The following ARID5B variants were observed in gnomAD, a reference collection of about 807,000 sequenced individuals.
ARID5B encodes AT-rich interactive domain-containing protein 5B.
ARID5B carries 13 observed loss-of-function variants against 97.2 expected under a neutral mutation model. The ratio of observed to expected loss-of-function variants is 0.13; its 90% CI spans 0.09 to 0.21. The LOEUF (loss-of-function observed/expected upper bound fraction) is 0.21, where lower values mean the gene tolerates loss of function less well. ARID5B is among the 10% of genes least tolerant of loss of function. The pLI is 1.00. For missense variants in ARID5B, 1,210 were observed against 1,465.3 expected, an observed-to-expected ratio of 0.83 and a Z score of 2.84; for synonymous variants, 556 against 570.3, an observed-to-expected ratio of 0.97 and a Z score of 0.36.
intron 4 of ARID5B, among the ~76,000 whole-genome samples, chr10:62,022,302 T>C (rs1839366697): frequency 6.6e-6 from 1 of 152,234 alleles, no homozygotes; most frequent in Non-Finnish European, 1.5e-5. Flanking sequence ...TGGAAAACCT[T>C]ACCCATTTAC....
chr10:62,046,097 C>G (rs1166267830), intron 4 of ARID5B, among the ~76,000 whole-genome samples: 1 of 152,116 alleles, frequency 6.6e-6, no homozygotes. Flanking sequence ...GGCAACAAGT[C>G]TCTCTGCAAA....
intron 3 of ARID5B, among the ~76,000 whole-genome samples, chr10:61,946,655 G>A (rs1182265195): frequency 2.0e-5 from 3 of 152,208 alleles, no homozygotes; most frequent in Non-Finnish European, 2.9e-5. Context: ...AGGCGCAGTG[G>A]CTCACACCTG....
chr10:62,048,829 A>C (rs1429404597), intron 4 of ARID5B, among the ~76,000 whole-genome samples: 1 of 152,248 alleles, frequency 6.6e-6, no homozygotes, highest in Non-Finnish European at 1.5e-5. Flanking sequence ...TTTCACCAAA[A>C]TGCTAGGAAG....
chr10:61,910,131 G>A (rs116637711), intron 2 of ARID5B, among the ~76,000 whole-genome samples: 3,510 of 152,242 alleles, frequency 0.023, 116 homozygotes, highest in African/African-American at 0.072. Flanking sequence ...AAAACCTCTC[G>A]ACAATTAGAC....
rs1414049749 is a variant in ARID5B, at chr10:62,092,513, A to T, written c.3050A>T (p.Glu1017Val). Residue 1017 changes from glutamate to valine, a missense_variant, in exon 10 of 10, where the codon GAG becomes GTG. Around this residue, in one of 8 missense-constraint regions of ARID5B, gnomAD observed 800 missense variants for 839.1 expected, o/e 0.95. Transcript: ENST00000279873. ...GAARPIKRSLEDLDLVIAGKK... is the reference protein window; with the variant it reads ...GAARPIKRSLVDLDLVIAGKK... ...GCGCGGCCGATCAAGCGCAGCCTGGAGGATTTGGACCTTGTGATTGCAGGG... is the reference window on the plus strand; with the variant it reads ...GCGCGGCCGATCAAGCGCAGCCTGGTGGATTTGGACCTTGTGATTGCAGGG... The T allele has an allele frequency of 1.1e-5, 17 of 1,614,170 alleles. No homozygotes were observed.
At chr10:62,077,918 GA>G (rs1419684127) in intron 8 of ARID5B, among the ~76,000 whole-genome samples, 1 of 152,018 alleles carries the variant, frequency 6.6e-6, no homozygotes, top group Non-Finnish European at 1.5e-5. Flanking sequence ...AAAGAAAAGG[GA>G]AAAAAAGTAT....
At chr10:62,031,891 A>G (rs1301978447) in intron 4 of ARID5B, among the ~76,000 whole-genome samples, 2 of 152,186 alleles carry the variant, frequency 1.3e-5, no homozygotes, top group Non-Finnish European at 2.9e-5. Flanking sequence ...ATAAGAAAAA[A>G]TCATGCGAGC....
intron 2 of ARID5B, among the ~76,000 whole-genome samples, chr10:61,922,166 T>G (rs1353680683): frequency 6.6e-6 from 1 of 152,252 alleles, no homozygotes; most frequent in Admixed American, 6.5e-5. Context: ...CGGGTCTTTT[T>G]TACATCTAAT....
At chr10:62,028,329 A>C (rs1443579378) in intron 4 of ARID5B, among the ~76,000 whole-genome samples, 2 of 152,226 alleles carry the variant, frequency 1.3e-5, no homozygotes, top group African/African-American at 2.4e-5. Flanking sequence ...AGTTTGTAGT[A>C]TTGAGTGAGC....
At chr10:61,970,583 C>T (rs1838612531) in intron 3 of ARID5B, among the ~76,000 whole-genome samples, 1 of 152,156 alleles carries the variant, frequency 6.6e-6, no homozygotes, top group Non-Finnish European at 1.5e-5. Flanking sequence ...GTTTTGCTGT[C>T]AGTTTAATTA....
chr10:61,915,942 G>C (rs908004602), intron 2 of ARID5B, among the ~76,000 whole-genome samples: 2 of 152,192 alleles, frequency 1.3e-5, no homozygotes, highest in Non-Finnish European at 2.9e-5. Context: ...TTCTAGTAGA[G>C]ACTGGGTTTC....
At chr10:61,904,059 G>T (rs545516632) in intron 2 of ARID5B, among the ~76,000 whole-genome samples, 374 of 22,292 alleles carry the variant, frequency 0.017, 2 homozygotes, top group African/African-American at 0.061. Context: ...CCCCTCCCCC[G>T]ACCCAACTTT....
At chr10:61,915,405 G>A (rs904102031) in intron 2 of ARID5B, among the ~76,000 whole-genome samples, 2 of 152,134 alleles carry the variant, frequency 1.3e-5, no homozygotes, top group Non-Finnish European at 2.9e-5. Flanking sequence ...TGATTTTGTC[G>A]GAAAGGTCTC....
rs1026765832 is a variant in ARID5B at position 62,092,310 on chromosome 10, C to A, written c.2847C>A (p.Asp949Glu). ...QFQVLGSQSRDCHPKACRVSP... is the reference protein window; with the variant it reads ...QFQVLGSQSRECHPKACRVSP... ...AGGTCTTAGGCAGCCAGAGTCGAGA[C>A]TGTCACCCCAAAGCCTGTCGGGTAT... Residue 949 changes from aspartate (D) to glutamate (E), a missense_variant, in exon 10 of 10, where the codon GAC becomes GAA. This residue lies in a region of ARID5B where 800 missense variants were observed against 839.1 expected (regional missense o/e 0.95). Coordinates refer to ENST00000279873, the MANE Select transcript of ARID5B (RefSeq NM_032199.3). 4 of 1,610,724 alleles carry A rather than the reference C, an allele frequency of 2.5e-6. No individual in the cohort carries two copies. The African/African-American group carries it at 5.3e-5, about 22-fold the overall frequency.
intron 2 of ARID5B, 57 bp downstream of exon 2, chr10:61,902,470 CT>C: frequency 1.3e-6 from 2 of 1,584,732 alleles, no homozygotes; most frequent in Non-Finnish European, 1.7e-6. Context: ...CCTAGTAATG[CT>C]TATTACAGGG....
At chr10:62,020,292 C>T (rs1321529774) in intron 4 of ARID5B, among the ~76,000 whole-genome samples, 5 of 152,116 alleles carry the variant, frequency 3.3e-5, no homozygotes, top group Non-Finnish European at 7.3e-5. Context: ...TGAACAATTA[C>T]TGATTTTCTT....
chr10:62,018,134 A>C (rs1288603397), intron 4 of ARID5B, among the ~76,000 whole-genome samples: 3 of 152,196 alleles, frequency 2.0e-5, no homozygotes, highest in Non-Finnish European at 4.4e-5. Flanking sequence ...GTGGCAATTA[A>C]TTTTTTATTA....
At chr10:62,074,739 T>A (rs540908636) in intron 8 of ARID5B, among the ~76,000 whole-genome samples, 8 of 152,250 alleles carry the variant, frequency 5.3e-5, no homozygotes, top group African/African-American at 1.7e-4. Flanking sequence ...CATCTCAGAA[T>A]TGTATATTTA....
chr10:62,004,558 T>C (rs1026927420), intron 4 of ARID5B, among the ~76,000 whole-genome samples: 4 of 152,234 alleles, frequency 2.6e-5, no homozygotes, highest in Non-Finnish European at 5.9e-5. Flanking sequence ...TCCACCGTCC[T>C]GTTAGAATAG....
Sources: allele counts gnomAD v4.1 joint callset (sites outside exome capture counted in the v4.1 genomes callset), GRCh38; gene constraint gnomAD v4.1.1; regional missense constraint gnomAD v4.1.1; transcripts MANE v1.5; gene names NCBI Gene and HGNC (gene_info 2026-07-23, HGNC 2026-07-21).